Variants in WWOX observed in about 807,000 individuals in gnomAD.
The protein encoded by WWOX is WW domain-containing oxidoreductase.
In WWOX, 69 loss-of-function variants were observed where a neutral mutation model predicts 46.2. The observed-to-expected ratio is 1.49, with a 90% CI of 1.23 to 1.82. WWOX has a LOEUF of 1.82. Among genes scored for constraint, WWOX ranks in the 40% most tolerant of loss-of-function variants. The pLI is 0.00. For synonymous variants in WWOX, 359 were observed against 202.6 expected, an observed-to-expected ratio of 1.77 and a Z score of -6.56; for missense variants, 919 against 542.6, an observed-to-expected ratio of 1.69 and a Z score of -6.89.
intron 8 of WWOX, among the ~76,000 whole-genome samples, chr16:79,052,105 T>G (rs2048179005): frequency 6.6e-6 from 1 of 151,986 alleles, no homozygotes. Context: ...TAGTTACATA[T>G]GTATACATGT....
intron 5 of WWOX, among the ~76,000 whole-genome samples, chr16:78,382,650 G>C (rs1218985157): frequency 6.6e-6 from 1 of 152,164 alleles, no homozygotes; most frequent in African/African-American, 2.4e-5. Flanking sequence ...AACGAGGCCT[G>C]AACTTTTCAT....
At chr16:78,805,652 A>T (rs980246117) in intron 8 of WWOX, among the ~76,000 whole-genome samples, 2 of 152,198 alleles carry the variant, frequency 1.3e-5, no homozygotes, top group African/African-American at 4.8e-5. Context: ...TTTTTAGATT[A>T]ATCACTGTTA....
At chr16:78,580,236 G>A (rs188956330) in intron 8 of WWOX, among the ~76,000 whole-genome samples, 2 of 152,120 alleles carry the variant, frequency 1.3e-5, no homozygotes, top group East Asian at 3.9e-4. Context: ...AGCATGCCCG[G>A]CTAGCTTTTG....
chr16:78,810,730 A>G (rs528691059), intron 8 of WWOX, among the ~76,000 whole-genome samples: 91 of 152,356 alleles, frequency 6.0e-4, no homozygotes, highest in Non-Finnish European at 1.1e-3. Context: ...AATATAAACT[A>G]GATTTGCTCC....
chr16:78,618,664 C>A (rs968148137), intron 8 of WWOX, among the ~76,000 whole-genome samples: 9 of 152,100 alleles, frequency 5.9e-5, no homozygotes, highest in African/African-American at 2.2e-4. Context: ...CTCTTCTCAA[C>A]AGGATCCATG....
chr16:78,920,034 G>A (rs1048849097), intron 8 of WWOX, among the ~76,000 whole-genome samples: 3 of 152,044 alleles, frequency 2.0e-5, no homozygotes, highest in Admixed American at 6.5e-5. Flanking sequence ...ATCAGTCAGC[G>A]TAGACTAGGT....
chr16:79,157,731 G>A (rs2050409304), intron 8 of WWOX, among the ~76,000 whole-genome samples: 1 of 152,206 alleles, frequency 6.6e-6, no homozygotes, highest in Non-Finnish European at 1.5e-5. Flanking sequence ...AGTTTGCAAG[G>A]GAAGGGGACA....
At chr16:79,016,864 C>T (rs1477192451) in intron 8 of WWOX, 3 of 152,122 alleles carry the variant, frequency 2.0e-5, no homozygotes, top group South Asian at 2.1e-4. Flanking sequence ...TCGATAACGC[C>T]CCTCTGTGTA....
rs543743269 is a variant in WWOX at position 78,556,976 on chromosome 16, C to T, written c.1056+124224C>T. ...TCAGGTGATTCACCCACCTCAGCCTCCCAAAGTGCAGGGATTAAGGCGTGA... is the reference window on the plus strand; with the variant it reads ...TCAGGTGATTCACCCACCTCAGCCTTCCAAAGTGCAGGGATTAAGGCGTGA... On this transcript the variant is annotated intron_variant, in intron 8 of 8. Transcript: ENST00000566780. Among the ~76,000 whole-genome samples the T allele has an allele frequency of 2.6e-5, 4 of 152,214 alleles. No individual in the cohort carries two copies. The South Asian group carries it at 6.2e-4, about 24-fold the overall frequency.
At chr16:78,892,325 T>C (rs1355793946) in intron 8 of WWOX, 1 of 152,202 alleles carries the variant, frequency 6.6e-6, no homozygotes, top group Non-Finnish European at 1.5e-5. Context: ...TAAAATCAAA[T>C]GGCTTCTGCA....
At chr16:78,856,339 G>A (rs899323378) in intron 8 of WWOX, among the ~76,000 whole-genome samples, 5 of 152,172 alleles carry the variant, frequency 3.3e-5, no homozygotes, top group Admixed American at 6.5e-5. Context: ...GACTTTTATC[G>A]AAGTAGAAGT....
intron 8 of WWOX, among the ~76,000 whole-genome samples, chr16:78,476,726 T>C (rs1298874483): frequency 6.6e-6 from 1 of 152,226 alleles, no homozygotes; most frequent in Non-Finnish European, 1.5e-5. Flanking sequence ...AGCTAATTGC[T>C]TCTTCAGTTG....
chr16:79,190,148 C>A (rs2051104862), intron 8 of WWOX, among the ~76,000 whole-genome samples: 1 of 152,002 alleles, frequency 6.6e-6, no homozygotes. Flanking sequence ...CCTCAGCCTC[C>A]CGAGTAGCTG....
At position 78,807,207 on chromosome 16, in the gene WWOX, G is replaced by A. The variant is rs1597645701; in HGVS notation, c.1056+374455G>A. ...CTATGTCACTGAGTACATCCTTGCTGTTTTTCATGAATTTTCCACTGAGTC... is the reference window on the plus strand; with the variant it reads ...CTATGTCACTGAGTACATCCTTGCTATTTTTCATGAATTTTCCACTGAGTC... On this transcript the variant is annotated intron_variant, in intron 8 of 8. Transcript: ENST00000566780. 3.9e-5 allele frequency among the ~76,000 whole-genome samples: 6 copies of A among 152,132 alleles called. No homozygotes were observed. The South Asian group carries it at 1.2e-3, about 32-fold the overall frequency.
At chr16:79,061,312 G>A (rs1445536087) in intron 8 of WWOX, among the ~76,000 whole-genome samples, 1 of 152,148 alleles carries the variant, frequency 6.6e-6, no homozygotes, top group African/African-American at 2.4e-5. Flanking sequence ...TATTATATTA[G>A]CCCGGCACTG....
chr16:78,685,865 G>C (rs1597444250), intron 8 of WWOX, among the ~76,000 whole-genome samples: 1 of 150,716 alleles, frequency 6.6e-6, no homozygotes, highest in Non-Finnish European at 1.5e-5. Context: ...CTGAGAGCAG[G>C]GCCAAGAAAG....
At chr16:78,856,681 A>G (rs992810673) in intron 8 of WWOX, among the ~76,000 whole-genome samples, 1 of 152,170 alleles carries the variant, frequency 6.6e-6, no homozygotes, top group Non-Finnish European at 1.5e-5. Context: ...CTTTCAGTAC[A>G]ATGGGAAGGG....
intron 8 of WWOX, among the ~76,000 whole-genome samples, chr16:78,611,074 A>C (rs991245098): frequency 2.0e-5 from 3 of 152,232 alleles, no homozygotes; most frequent in Non-Finnish European, 4.4e-5. Context: ...TTTAACAAGT[A>C]AATGTATATC....
At position 78,645,129 on chromosome 16, in the gene WWOX, C is replaced by T. The variant is rs561214895; in HGVS notation, c.1056+212377C>T. On this transcript the variant is annotated intron_variant, in intron 8 of 8. Transcript: ENST00000566780. ...TATACAATCTAGTTACAATGGTCTG[C>T]TTGCTGTTACCAGAATCTGTCAAGC... Among the ~76,000 whole-genome samples, 3 of 152,260 alleles carry T rather than the reference C, an allele frequency of 2.0e-5. No homozygotes were observed. The East Asian group carries it at 5.8e-4, about 30-fold the overall frequency.
Sources: allele counts gnomAD v4.1 joint callset (sites outside exome capture counted in the v4.1 genomes callset), GRCh38; gene constraint gnomAD v4.1.1; transcripts MANE v1.5; gene names NCBI Gene and HGNC (gene_info 2026-07-23, HGNC 2026-07-21).